EXOC6B: variants seen among roughly 807,000 people sequenced by gnomAD.
EXOC6B encodes the protein SEC15 homolog B.
A neutral mutation model predicts 113.5 loss-of-function variants in EXOC6B; 54 were observed. That is an observed-to-expected ratio of 0.48 (90% CI 0.38 to 0.60). The LOEUF (loss-of-function observed/expected upper bound fraction) is 0.60. Among genes scored for constraint, EXOC6B ranks in the 20% least tolerant of loss-of-function variants. EXOC6B has a pLI of 0.00. For synonymous variants in EXOC6B, 357 were observed against 339.0 expected (o/e 1.05, Z -0.58); for missense variants, 797 against 977.5 (o/e 0.82, Z 2.46).
chr2:72,572,440 A>AC (rs1357856348), intron 7 of EXOC6B, among the ~76,000 whole-genome samples: 1 of 152,096 alleles, frequency 6.6e-6, no homozygotes, highest in African/African-American at 2.4e-5. Flanking sequence ...AATTCCACAA[A>AC]CCCCCTGAAA....
At chr2:72,614,502 G>A (rs1386477918) in intron 6 of EXOC6B, among the ~76,000 whole-genome samples, 2 of 152,070 alleles carry the variant, frequency 1.3e-5, no homozygotes, top group Non-Finnish European at 2.9e-5. Flanking sequence ...CCAATCACCT[G>A]ACTGACGCTA....
At chr2:72,412,900 CCCTTCCTTT>C (rs967069604) in intron 18 of EXOC6B, among the ~76,000 whole-genome samples, 6 of 151,740 alleles carry the variant, frequency 4.0e-5, no homozygotes, top group East Asian at 1.9e-4. Context: ...ACCAGAAGTT[CCCTTCCTTT>C]CCTTCCTTTC....
At chr2:72,569,335 AT>A (rs11314552) in intron 7 of EXOC6B, among the ~76,000 whole-genome samples, 92,971 of 151,456 alleles carry the variant, frequency 0.61, 34,715 homozygotes, top group East Asian at 0.99. Flanking sequence ...GCACAACATT[AT>A]TTTTTTTTCA....
At chr2:72,546,636 G>T (rs1462318800) in intron 8 of EXOC6B, among the ~76,000 whole-genome samples, 1 of 152,164 alleles carries the variant, frequency 6.6e-6, no homozygotes, top group Non-Finnish European at 1.5e-5. Context: ...CTAAATCTCT[G>T]CTCTGCATCC....
intron 1 of EXOC6B, among the ~76,000 whole-genome samples, chr2:72,742,856 T>A (rs1452518817): frequency 6.6e-6 from 1 of 152,188 alleles, no homozygotes; most frequent in Non-Finnish European, 1.5e-5. Context: ...ATTCAGAGCA[T>A]TTCCCTGAGC....
chr2:72,385,250 C>T (rs1041354915), intron 18 of EXOC6B, among the ~76,000 whole-genome samples: 11 of 152,034 alleles, frequency 7.2e-5, no homozygotes, highest in Non-Finnish European at 2.9e-5. Context: ...ACCAATAACA[C>T]ACAATGGGGA....
rs150669149 is a variant in EXOC6B, at chr2:72,346,703, A to G, written c.2123-11683T>C. Among the ~76,000 whole-genome samples, 875 of 152,292 alleles carry G rather than the reference A, an allele frequency of 5.7e-3. 10 individuals are homozygous for G. Among genetic ancestry groups the G allele is most frequent in the African/African-American group, 0.019 (808 of 41,574 alleles). On this transcript the variant is annotated intron_variant, in intron 19 of 21. Transcript: ENST00000272427. ...GGATATGACTATTTTAGCTATATTC[A>G]CTGAATTAAATCAGTAATTTTTGCA...
At chr2:72,465,607 T>G (rs1426011180) in intron 17 of EXOC6B, among the ~76,000 whole-genome samples, 1 of 152,188 alleles carries the variant, frequency 6.6e-6, no homozygotes, top group Non-Finnish European at 1.5e-5. Flanking sequence ...TATAAAAGAT[T>G]ATGATATACA....
At chr2:72,557,162 T>C (rs1393191351) in intron 8 of EXOC6B, among the ~76,000 whole-genome samples, 1 of 151,822 alleles carries the variant, frequency 6.6e-6, no homozygotes, top group Non-Finnish European at 1.5e-5. Flanking sequence ...TATATATTTT[T>C]CAAGGATATT....
intron 20 of EXOC6B, among the ~76,000 whole-genome samples, chr2:72,247,146 T>C (rs1363333727): frequency 6.6e-6 from 1 of 152,218 alleles, no homozygotes; most frequent in African/African-American, 2.4e-5. Context: ...TCATTAAGAA[T>C]ATGAAAATAA....
chr2:72,753,295 C>T (rs961637173), intron 1 of EXOC6B, among the ~76,000 whole-genome samples: 1 of 151,898 alleles, frequency 6.6e-6, no homozygotes, highest in Admixed American at 6.6e-5. Flanking sequence ...CCACATTTCA[C>T]TCCTAGTATT....
In EXOC6B at chr2:72,547,434, A is replaced by C. The variant is rs150362331; in HGVS notation, c.915+12019T>G. 4.9e-3 allele frequency among the ~76,000 whole-genome samples: 751 copies of C among 152,322 alleles called. 11 individuals are homozygous for C. Among genetic ancestry groups the C allele is most frequent in the African/African-American group, 0.017 (698 of 41,572 alleles). On this transcript the variant is annotated intron_variant, in intron 8 of 21. Coordinates refer to ENST00000272427, the MANE Select transcript of EXOC6B (RefSeq NM_015189.3). ...TGAACATTTTGTCAACATTTTTTAA[A>C]TCTAGGAATTTAAACTGCTCATGAG...
At chr2:72,302,996 T>C (rs1278709278) in intron 20 of EXOC6B, among the ~76,000 whole-genome samples, 1 of 152,204 alleles carries the variant, frequency 6.6e-6, no homozygotes, top group Non-Finnish European at 1.5e-5. Flanking sequence ...TTTCAAGATC[T>C]CTTATAAAGT....
intron 5 of EXOC6B, among the ~76,000 whole-genome samples, chr2:72,726,594 A>G (rs1476456855): frequency 1.3e-5 from 2 of 152,194 alleles, no homozygotes; most frequent in African/African-American, 4.8e-5. Flanking sequence ...TAAAAGTTAC[A>G]GCAAAAATGA....
intron 8 of EXOC6B, among the ~76,000 whole-genome samples, chr2:72,528,130 C>T (rs1397814870): frequency 3.3e-5 from 5 of 151,928 alleles, no homozygotes; most frequent in Admixed American, 6.6e-5. Context: ...TCTGCCTACC[C>T]TTAGATTCTG....
intron 20 of EXOC6B, among the ~76,000 whole-genome samples, chr2:72,207,815 C>G (rs1201886868): frequency 1.3e-5 from 2 of 152,176 alleles, no homozygotes; most frequent in Non-Finnish European, 2.9e-5. Flanking sequence ...AAATACCATG[C>G]TTCCTTGCCC....
At chr2:72,241,706 A>C (rs1682321636) in intron 20 of EXOC6B, among the ~76,000 whole-genome samples, 1 of 152,132 alleles carries the variant, frequency 6.6e-6, no homozygotes, top group Admixed American at 6.6e-5. Flanking sequence ...AGAAGATAGA[A>C]ATATTTAAAA....
At chr2:72,547,529 A>C (rs192053541) in intron 8 of EXOC6B, among the ~76,000 whole-genome samples, 1 of 152,184 alleles carries the variant, frequency 6.6e-6, no homozygotes, top group African/African-American at 2.4e-5. Context: ...AACTAAGCTT[A>C]TGGATACATT....
intron 8 of EXOC6B, among the ~76,000 whole-genome samples, chr2:72,534,638 G>C (rs1176816510): frequency 2.0e-5 from 3 of 152,078 alleles, no homozygotes; most frequent in Non-Finnish European, 4.4e-5. Context: ...GTCATACCTA[G>C]TATGTACTAG....
Sources: gnomAD v4.1 joint callset for allele counts (sites outside exome capture counted in the v4.1 genomes callset) on GRCh38, gnomAD v4.1.1 for gene constraint, MANE v1.5 for transcripts, NCBI Gene and HGNC (gene_info 2026-07-23, HGNC 2026-07-21) for gene names.